The following PPP3CB variants were observed in gnomAD, a reference collection of about 807,000 sequenced individuals.
The protein encoded by PPP3CB is serine/threonine-protein phosphatase 2B catalytic subunit beta isoform.
A neutral mutation model predicts 66.4 loss-of-function variants in PPP3CB; 8 were observed. The ratio of observed to expected loss-of-function variants is 0.12; its 90% confidence interval spans 0.07 to 0.22. The LOEUF is 0.22. Ranked by LOEUF, PPP3CB falls within the 10% of genes least tolerant of loss-of-function variation. The pLI is 1.00. For synonymous variants in PPP3CB, 208 were observed against 221.2 expected, an observed-to-expected ratio of 0.94 and a Z score of 0.53; for missense variants, 319 against 642.5, an observed-to-expected ratio of 0.50 and a Z score of 5.44.
At chr10:73,462,052 G>A (rs1169271628) in intron 9 of PPP3CB, among the ~76,000 whole-genome samples, 2 of 150,990 alleles carry the variant, frequency 1.3e-5, no homozygotes, top group African/African-American at 2.4e-5. Context: ...TCCACCATGA[G>A]AAGTTCCCTG....
chr10:73,453,740 C>T (rs1196478411), intron 10 of PPP3CB, among the ~76,000 whole-genome samples: 1 of 151,952 alleles, frequency 6.6e-6, no homozygotes, highest in African/African-American at 2.4e-5. Context: ...ATATTGTTTA[C>T]CTTTTTATGT....
chr10:73,485,596 T>C (rs1389449329), intron 1 of PPP3CB, among the ~76,000 whole-genome samples: 1 of 152,200 alleles, frequency 6.6e-6, no homozygotes, highest in East Asian at 1.9e-4. Context: ...AGTCTCTACA[T>C]CTATACTTCT....
chr10:73,463,321 T>TA (rs1437463653), intron 9 of PPP3CB, among the ~76,000 whole-genome samples: 5 of 152,216 alleles, frequency 3.3e-5, no homozygotes, highest in African/African-American at 1.2e-4. Context: ...TTCACCACAG[T>TA]AATTTTTCTA....
intron 4 of PPP3CB, among the ~76,000 whole-genome samples, chr10:73,473,465 G>A (rs1294812159): frequency 6.6e-6 from 1 of 152,064 alleles, no homozygotes; most frequent in Non-Finnish European, 1.5e-5. Context: ...GACCAGCCTG[G>A]CCAACATGGT....
At chr10:73,472,091 TA>T (rs2056710493) in intron 4 of PPP3CB, among the ~76,000 whole-genome samples, 1 of 152,236 alleles carries the variant, frequency 6.6e-6, no homozygotes, top group South Asian at 2.1e-4. Context: ...TTGCTCTCTC[TA>T]AAATTATTCT....
rs2057216635 is a variant in PPP3CB, at chr10:73,495,878, C to T, written c.12G>A (p.Pro4=). 2.7e-6 allele frequency: 3 copies of T among 1,114,340 alleles called. No individual in the cohort carries two copies. Among genetic ancestry groups the T allele is most frequent in the Non-Finnish European group, 2.2e-6 (2 of 902,708 alleles). The allele number at this position is 1,114,340 out of a possible 1,614,324, so 69.0% of individuals were successfully genotyped here. The change falls in exon 1 of 14, where the codon CCG becomes CCA. Residue 4 remains proline (P), a synonymous_variant. Coordinates refer to ENST00000360663, the MANE Select transcript of PPP3CB (RefSeq NM_021132.4). ...GGGGCGGTGCAGCCCGGGCCGGCTC[C>T]GGGGCGGCCATGCTGGGCCCGGGGC... MAA[P]EPARAAPPPP... is the part of the protein sequence containing the mutation.
At chr10:73,493,019 TA>T (rs1294919578) in intron 1 of PPP3CB, among the ~76,000 whole-genome samples, 1 of 152,122 alleles carries the variant, frequency 6.6e-6, no homozygotes, top group African/African-American at 2.4e-5. Context: ...CTCACGCCTG[TA>T]ATCCCAACAC....
At chr10:73,469,349 C>G (rs1417907821) in intron 8 of PPP3CB, among the ~76,000 whole-genome samples, 1 of 152,136 alleles carries the variant, frequency 6.6e-6, no homozygotes, top group African/African-American at 2.4e-5. Context: ...TCAAGACAAG[C>G]CTGGTGAACA....
chr10:73,482,397 G>A (rs1460453129), intron 1 of PPP3CB, among the ~76,000 whole-genome samples: 1 of 151,632 alleles, frequency 6.6e-6, no homozygotes, highest in Non-Finnish European at 1.5e-5. Context: ...ACAAAAATTA[G>A]CTGGGTGTGG....
intron 13 of PPP3CB, among the ~76,000 whole-genome samples, chr10:73,439,064 C>G (rs1258984396): frequency 6.6e-6 from 1 of 152,132 alleles, no homozygotes; most frequent in Admixed American, 6.6e-5. Flanking sequence ...CTCCTTAATT[C>G]ATTGGCCATA....
chr10:73,454,254 C>T (rs2056389596), intron 10 of PPP3CB, among the ~76,000 whole-genome samples, 158 bp downstream of exon 10: 1 of 151,932 alleles, frequency 6.6e-6, no homozygotes, highest in African/African-American at 2.4e-5. Flanking sequence ...AAATTATTTT[C>T]AAATCTTAAT....
Position 73,438,222 on chromosome 10 carries a change from A to G in PPP3CB, c.*20T>C. 6.2e-7 allele frequency: 1 copy of G among 1,604,186 alleles called. No individual in the cohort carries two copies. The stretch of plus-strand genomic sequence containing the variant: ...GTCCATTTGGGGCCCGAGATGTGAG[A>G]GTCCCTGGGAAGTAGTGGGTCACTG... On this transcript the variant is annotated 3_prime_UTR_variant, in exon 14 of 14. Transcript: ENST00000360663.
At chr10:73,457,135 A>C (rs1564553914) in intron 9 of PPP3CB, among the ~76,000 whole-genome samples, 1 of 151,824 alleles carries the variant, frequency 6.6e-6, no homozygotes, top group Non-Finnish European at 1.5e-5. Context: ...GGACAAAAAA[A>C]ATCAGGCATG....
chr10:73,437,688 G>C lies in PPP3CB; in HGVS notation c.*554C>G, dbSNP rs1009366639. The C allele has an allele frequency of 1.3e-5, 2 of 152,610 alleles. No homozygotes were observed. The highest frequency in any genetic ancestry group is 1.3e-4 in the Admixed American group (2 of 15,272). 9.5% of individuals were successfully genotyped at this position (152,610 alleles called of 1,614,324 possible). A position where few individuals can be genotyped will look rare whatever the true frequency, so the allele number is the denominator to read the frequency against. On this transcript the variant is annotated 3_prime_UTR_variant, in exon 14 of 14. Coordinates refer to ENST00000360663, the MANE Select transcript of PPP3CB (RefSeq NM_021132.4). ...TAAAAAATACCAAGACTATGTTACA[G>C]AATTAGCCACATTTAAGAACTATAG...
chr10:73,465,564 TA>T (rs371030890), intron 9 of PPP3CB, among the ~76,000 whole-genome samples: 1 of 150,730 alleles, frequency 6.6e-6, no homozygotes, highest in Non-Finnish European at 1.5e-5. Flanking sequence ...TCTGTCTCTA[TA>T]AAAAAAAATA....
At chr10:73,443,716 A>G (rs1245140259) in intron 12 of PPP3CB, 2 of 152,120 alleles carry the variant, frequency 1.3e-5, no homozygotes, top group African/African-American at 2.4e-5. Flanking sequence ...AAGTTAACCC[A>G]GTATTTACAC....
chr10:73,457,622 C>T (rs1042006633), intron 9 of PPP3CB, among the ~76,000 whole-genome samples: 2 of 151,814 alleles, frequency 1.3e-5, no homozygotes, highest in African/African-American at 2.4e-5. Flanking sequence ...CCTGTAATCC[C>T]AGCTACTTGG....
intron 9 of PPP3CB, among the ~76,000 whole-genome samples, chr10:73,464,694 A>G (rs113908285): frequency 0.049 from 7,527 of 152,190 alleles, 566 homozygotes; most frequent in African/African-American, 0.16. Flanking sequence ...CACTTTAGGA[A>G]GTTGAGGCAA....
intron 1 of PPP3CB, among the ~76,000 whole-genome samples, chr10:73,489,822 T>C (rs930974818): frequency 6.6e-6 from 1 of 152,204 alleles, no homozygotes; most frequent in Non-Finnish European, 1.5e-5. Context: ...TTCATGCTTT[T>C]TTCAAACTCC....
Sources: gnomAD v4.1 joint callset for allele counts (sites outside exome capture counted in the v4.1 genomes callset) on GRCh38, gnomAD v4.1.1 for gene constraint, MANE v1.5 for transcripts, NCBI Gene and HGNC (gene_info 2026-07-23, HGNC 2026-07-21) for gene names.